Variants in APBB2 observed in about 807,000 individuals in gnomAD.
The protein encoded by APBB2 is amyloid beta precursor protein binding family B member 2.
Under a neutral mutation model 82.5 loss-of-function variants are expected in APBB2, and 38 were observed. The ratio of observed to expected loss-of-function variants is 0.46; its 90% CI spans 0.36 to 0.60. The LOEUF (loss-of-function observed/expected upper bound fraction) is 0.60, where lower values mean the gene tolerates loss of function less well. Among genes scored for constraint, APBB2 ranks in the 20% least tolerant of loss-of-function variants. The pLI is 0.00. For synonymous variants in APBB2, 341 were observed against 368.2 expected (o/e 0.93, Z 0.85); for missense variants, 772 against 972.3 (o/e 0.79, Z 2.74).
chr4:40,934,591 G>A, intron 9 of APBB2, 23 bp downstream of exon 9: 1 of 1,611,352 alleles, frequency 6.2e-7, no homozygotes, highest in Non-Finnish European at 8.5e-7. Flanking sequence ...ATTGACAGCA[G>A]GTCGATCCTA....
intron 10 of APBB2, among the ~76,000 whole-genome samples, chr4:40,895,429 G>A (rs6829214): frequency 0.025 from 3,752 of 152,318 alleles, 162 homozygotes; most frequent in African/African-American, 0.085. Context: ...GAACCAGCCC[G>A]ATGGTGAAGA....
intron 10 of APBB2, among the ~76,000 whole-genome samples, chr4:40,898,970 G>A (rs1276121137): frequency 6.6e-6 from 1 of 152,114 alleles, no homozygotes; most frequent in East Asian, 1.9e-4. Context: ...CTCAGATGAT[G>A]CTGAAGTTGT....
Position 40,946,254 on chromosome 4 carries a change from A to AAAAAAAAAAAAAAAAAAAAAAAAAAAC in APBB2, c.836-1182_836-1181insGTTTTTTTTTTTTTTTTTTTTTTTTTT, listed in dbSNP as rs1553875174. Among the ~76,000 whole-genome samples the AAAAAAAAAAAAAAAAAAAAAAAAAAAC allele has an allele frequency of 2.2e-4, 25 of 114,610 alleles. 3 individuals are homozygous for AAAAAAAAAAAAAAAAAAAAAAAAAAAC. The highest frequency in any genetic ancestry group is 5.9e-4 in the South Asian group (2 of 3,368). 75.2% of individuals were successfully genotyped at this position (114,610 alleles called of 152,430 possible). A position where few individuals can be genotyped will look rare whatever the true frequency, so the allele number is the denominator to read the frequency against. On this transcript the variant is annotated intron_variant, in intron 6 of 17. Coordinates refer to ENST00000508593, the MANE Select transcript of APBB2 (RefSeq NM_004307.2). ...CTCCAAAAAAAAAAAAAAAAAAAAA[A>AAAAAAAAAAAAAAAAAAAAAAAAAAAC]CATTCCCAAGGAAAGCAGATTGGAA...
chr4:41,029,708 TA>T (rs1213079747), intron 5 of APBB2, among the ~76,000 whole-genome samples: 1 of 152,156 alleles, frequency 6.6e-6, no homozygotes, highest in Non-Finnish European at 1.5e-5. Context: ...TTGTCGATTA[TA>T]AAAAATAAGT....
intron 3 of APBB2, among the ~76,000 whole-genome samples, chr4:41,069,624 T>G (rs889701616): frequency 6.6e-6 from 1 of 152,340 alleles, no homozygotes; most frequent in East Asian, 1.9e-4. Context: ...GCCTACTAAC[T>G]GGAACACTCA....
At chr4:40,897,333 G>A (rs996637379) in intron 10 of APBB2, among the ~76,000 whole-genome samples, 1 of 152,096 alleles carries the variant, frequency 6.6e-6, no homozygotes, top group African/African-American at 2.4e-5. Context: ...GTGAAACCCC[G>A]TTTCTACTAA....
rs570467615 is a variant in APBB2, at chr4:40,837,153, AT to A, written c.1530-6577del. Reference sequence around the variant, plus strand: ...GACTGTGCAAACCTAAACTGGTGCGATCAGCTCAGGCCGAGCATGTGGGCTG... The same window carrying A: ...GACTGTGCAAACCTAAACTGGTGCGACAGCTCAGGCCGAGCATGTGGGCTG... On this transcript the variant is annotated intron_variant, in intron 12 of 17. Transcript: ENST00000508593. 4.6e-5 allele frequency among the ~76,000 whole-genome samples: 7 copies of A among 152,352 alleles called. No individual in the cohort carries two copies. The East Asian group carries it at 1.4e-3, about 29-fold the overall frequency.
chr4:41,073,157 C>T (rs1429617194), intron 3 of APBB2, among the ~76,000 whole-genome samples: 4 of 152,158 alleles, frequency 2.6e-5, no homozygotes, highest in Non-Finnish European at 1.5e-5. Flanking sequence ...ATTCTTTTTC[C>T]CAATTATTTC....
At chr4:41,057,766 G>C (rs1229279563) in intron 4 of APBB2, among the ~76,000 whole-genome samples, 1 of 152,140 alleles carries the variant, frequency 6.6e-6, no homozygotes, top group Non-Finnish European at 1.5e-5. Context: ...TCAAAATGAG[G>C]CCCCATAAAA....
At chr4:41,081,143 C>T (rs1275844657) in intron 3 of APBB2, among the ~76,000 whole-genome samples, 1 of 152,210 alleles carries the variant, frequency 6.6e-6, no homozygotes, top group Non-Finnish European at 1.5e-5. Context: ...GTGAGTTACA[C>T]TATGCTCACA....
At chr4:40,941,855 C>T (rs1787027922) in intron 7 of APBB2, among the ~76,000 whole-genome samples, 1 of 151,958 alleles carries the variant, frequency 6.6e-6, no homozygotes, top group Admixed American at 6.6e-5. Context: ...CAGGCTGCTC[C>T]TCAACTCCTG....
At chr4:40,935,582 C>T (rs1190962697) in intron 7 of APBB2, 1 of 154,268 alleles carries the variant, frequency 6.5e-6, no homozygotes, top group Admixed American at 6.5e-5. Context: ...ATGCCCATGG[C>T]TGAGGGCCCC....
At chr4:40,849,455 G>A (rs566446710) in intron 12 of APBB2, among the ~76,000 whole-genome samples, 10 of 152,134 alleles carry the variant, frequency 6.6e-5, no homozygotes, top group East Asian at 3.9e-4. Flanking sequence ...AATTTCCCTC[G>A]TATATTGATT....
intron 12 of APBB2, among the ~76,000 whole-genome samples, chr4:40,883,955 G>A (rs1769468447): frequency 6.6e-6 from 1 of 152,208 alleles, no homozygotes; most frequent in Non-Finnish European, 1.5e-5. Flanking sequence ...GTCCACCTTT[G>A]CTTTCCATTC....
At chr4:41,080,889 G>GT (rs1162918267) in intron 3 of APBB2, among the ~76,000 whole-genome samples, 1 of 151,840 alleles carries the variant, frequency 6.6e-6, no homozygotes, top group Non-Finnish European at 1.5e-5. Context: ...TTTTAGGAGA[G>GT]TTTTTTTGTT....
At chr4:40,940,192 G>C (rs1786474583) in intron 7 of APBB2, among the ~76,000 whole-genome samples, 2 of 152,172 alleles carry the variant, frequency 1.3e-5, no homozygotes, top group Non-Finnish European at 2.9e-5. Flanking sequence ...TAGAATACAG[G>C]GCTTTCAAAG....
At chr4:41,033,551 C>T (rs1181241829) in intron 4 of APBB2, among the ~76,000 whole-genome samples, 1 of 149,762 alleles carries the variant, frequency 6.7e-6, no homozygotes, top group Non-Finnish European at 1.5e-5. Context: ...CCTTACCTAC[C>T]TTTCTGTCTC....
rs114495250 is a variant in APBB2 at position 41,013,719 on chromosome 4, C to T, written c.699G>A (p.Lys233=). The part of the protein sequence containing the change: ...VATVSSSPET[K]KDHPKTGAKT... ...TGGCCCCTGTTTTCGGATGATCCTT[C>T]TTGGTTTCTGGGCTGGATGACACTG... is the stretch of plus-strand genomic sequence containing the variant. Residue 233 remains lysine, a synonymous_variant, in exon 6 of 18, where the codon AAG becomes AAA. Transcript: ENST00000508593. The T allele has an allele frequency of 6.8e-4, 1,104 of 1,614,126 alleles. 9 individuals carry two copies. In the African/African-American group the frequency reaches 0.014, roughly 20 times the overall value.
At chr4:41,061,837 A>G (rs1729958395) in intron 4 of APBB2, among the ~76,000 whole-genome samples, 1 of 152,272 alleles carries the variant, frequency 6.6e-6, no homozygotes, top group Non-Finnish European at 1.5e-5. Context: ...AAAGAAAATT[A>G]AAACTCCAGT....
Sources: gnomAD v4.1 joint callset for allele counts (sites outside exome capture counted in the v4.1 genomes callset) on GRCh38, gnomAD v4.1.1 for gene constraint, MANE v1.5 for transcripts, NCBI Gene and HGNC (gene_info 2026-07-23, HGNC 2026-07-21) for gene names.